CDH4: variants seen among roughly 807,000 people sequenced by gnomAD.
CDH4 encodes the protein cadherin-4.
Under a neutral mutation model 86.0 loss-of-function variants are expected in CDH4, and 33 were observed. The observed-to-expected ratio is 0.38, with a 90% CI of 0.29 to 0.51. CDH4 has a LOEUF of 0.51. Ranked by LOEUF, CDH4 falls within the 20% of genes least tolerant of loss-of-function variation. CDH4 has a pLI of 0.86. For synonymous variants in CDH4, 555 were observed against 549.4 expected (o/e 1.01, Z -0.14); for missense variants, 1,114 against 1,307.4 (o/e 0.85, Z 2.28).
At chr20:61,800,284 G>A (rs987065805) in intron 4 of CDH4, among the ~76,000 whole-genome samples, 9 of 152,204 alleles carry the variant, frequency 5.9e-5, no homozygotes, top group Admixed American at 2.6e-4. Context: ...CCGCCAGGGG[G>A]GCAGAGCTCC....
intron 2 of CDH4, among the ~76,000 whole-genome samples, chr20:61,362,800 G>A (rs985395885): frequency 2.0e-5 from 3 of 152,266 alleles, no homozygotes; most frequent in Admixed American, 6.5e-5. Context: ...AGGATCATGC[G>A]TTCTGTGTTG....
rs147827315 is a variant in CDH4, at chr20:61,870,626, G to A, written c.878-3102G>A. 4.3e-4 allele frequency among the ~76,000 whole-genome samples: 65 copies of A among 152,280 alleles called. No individual in the cohort carries two copies. In the East Asian group the frequency reaches 6.2e-3, roughly 14 times the overall value. On this transcript the variant is annotated intron_variant, in intron 6 of 15. Transcript: ENST00000614565. ...CACAGGTTTCACAGACGAAAATGCC[G>A]GGGGCCACGGGTGGAGGGGAACAGT...
chr20:61,410,487 A>G (rs1269016049), intron 2 of CDH4, among the ~76,000 whole-genome samples: 1 of 122,188 alleles, frequency 8.2e-6, no homozygotes, highest in Non-Finnish European at 1.8e-5. Context: ...TTGTTAGTCC[A>G]TTGACCTGTC....
intron 2 of CDH4, among the ~76,000 whole-genome samples, chr20:61,622,201 G>C (rs2086784424): frequency 6.6e-6 from 1 of 152,224 alleles, no homozygotes; most frequent in Non-Finnish European, 1.5e-5. Flanking sequence ...TGCTCCTGTT[G>C]GCTGCATTTA....
At chr20:61,359,382 T>C (rs28447180) in intron 2 of CDH4, among the ~76,000 whole-genome samples, 34,682 of 152,080 alleles carry the variant, frequency 0.23, 4,489 homozygotes, top group South Asian at 0.35. Context: ...GGAGAACCTA[T>C]GGTGAGAGGC....
At chr20:61,695,999 C>T (rs1026455298) in intron 2 of CDH4, among the ~76,000 whole-genome samples, 13 of 152,214 alleles carry the variant, frequency 8.5e-5, no homozygotes, top group African/African-American at 3.1e-4. Flanking sequence ...GGCCCCTCCT[C>T]CTCCAGGCCC....
chr20:61,854,113 C>T (rs1160661783), intron 6 of CDH4, among the ~76,000 whole-genome samples: 2 of 152,138 alleles, frequency 1.3e-5, no homozygotes, highest in Non-Finnish European at 2.9e-5. Context: ...CAGCAAGTGA[C>T]GGCTTCCAGG....
At chr20:61,639,491 C>T (rs1197111213) in intron 2 of CDH4, among the ~76,000 whole-genome samples, 1 of 152,230 alleles carries the variant, frequency 6.6e-6, no homozygotes, top group Non-Finnish European at 1.5e-5. Context: ...AGTTCCTAAC[C>T]TGAAATAAAA....
intron 2 of CDH4, among the ~76,000 whole-genome samples, chr20:61,278,573 G>T (rs1348218242): frequency 6.6e-6 from 1 of 152,266 alleles, no homozygotes; most frequent in Non-Finnish European, 1.5e-5. Flanking sequence ...TACGCCTGGT[G>T]CTCAGCCCTT....
intron 2 of CDH4, among the ~76,000 whole-genome samples, chr20:61,382,803 C>T (rs994355601): frequency 5.9e-5 from 9 of 152,034 alleles, no homozygotes; most frequent in African/African-American, 2.2e-4. Flanking sequence ...TACTCAGTGC[C>T]AGGGAGTTAG....
chr20:61,581,301 G>A (rs942484797), intron 2 of CDH4, among the ~76,000 whole-genome samples: 6 of 152,214 alleles, frequency 3.9e-5, no homozygotes, highest in East Asian at 1.9e-4. Context: ...AAACAACAGC[G>A]GTTTGTTCTC....
intron 2 of CDH4, among the ~76,000 whole-genome samples, chr20:61,384,447 G>A (rs554730555): frequency 1.3e-5 from 2 of 152,308 alleles, no homozygotes; most frequent in East Asian, 1.9e-4. Context: ...TGCTTCCACA[G>A]CGTGGTCTGG....
intron 2 of CDH4, among the ~76,000 whole-genome samples, chr20:61,535,855 G>A (rs1001381779): frequency 2.6e-5 from 4 of 152,118 alleles, no homozygotes; most frequent in Non-Finnish European, 4.4e-5. Flanking sequence ...CCCTGTTCCC[G>A]CTCCTGCCCC....
At chr20:61,891,231 C>T (rs922445739) in intron 7 of CDH4, among the ~76,000 whole-genome samples, 5 of 152,194 alleles carry the variant, frequency 3.3e-5, no homozygotes, top group Admixed American at 6.5e-5. Flanking sequence ...TTGGGCTGCA[C>T]GTTCCTGTTC....
chr20:61,831,487 C>T (rs899528999), intron 4 of CDH4, among the ~76,000 whole-genome samples: 18 of 152,386 alleles, frequency 1.2e-4, no homozygotes, highest in Middle Eastern at 6.8e-3. Flanking sequence ...AGTCCCTTGG[C>T]CACAGCCAGG....
intron 2 of CDH4, among the ~76,000 whole-genome samples, chr20:61,495,474 C>T (rs2085654473): frequency 6.6e-6 from 1 of 152,160 alleles, no homozygotes; most frequent in African/African-American, 2.4e-5. Flanking sequence ...CAGGGCAGCC[C>T]GGGACTGCCC....
intron 7 of CDH4, among the ~76,000 whole-genome samples, chr20:61,877,081 C>A (rs192554922): frequency 6.6e-6 from 1 of 152,146 alleles, no homozygotes; most frequent in South Asian, 2.1e-4. Flanking sequence ...GGGAGGGACA[C>A]CCCCTGGCCT....
intron 4 of CDH4, among the ~76,000 whole-genome samples, chr20:61,787,392 G>A (rs929402967): frequency 3.3e-5 from 5 of 152,148 alleles, no homozygotes; most frequent in Admixed American, 6.5e-5. Context: ...AGTGCAGATC[G>A]AAGCAGAGGA....
intron 7 of CDH4, among the ~76,000 whole-genome samples, chr20:61,893,645 A>AGATGGATG (rs1231292277): frequency 7.0e-6 from 1 of 141,856 alleles, no homozygotes; most frequent in Non-Finnish European, 1.5e-5. Context: ...GTGGTTGGAT[A>AGATGGATG]GATGGATGGA....
Sources: allele counts gnomAD v4.1 joint callset (sites outside exome capture counted in the v4.1 genomes callset), GRCh38; gene constraint gnomAD v4.1.1; transcripts MANE v1.5; gene names NCBI Gene and HGNC (gene_info 2026-07-23, HGNC 2026-07-21).